The following GLDC variants were observed in gnomAD, a reference collection of about 807,000 sequenced individuals.
GLDC encodes the protein glycine dehydrogenase (decarboxylating), mitochondrial.
In GLDC, 104 loss-of-function variants were observed where a neutral mutation model predicts 121.3. The observed-to-expected ratio is 0.86, with a 90% CI of 0.73 to 1.01. GLDC has a LOEUF of 1.01. GLDC is among the 50% of genes least tolerant of loss of function. The pLI is 0.00. For synonymous variants in GLDC, 546 were observed against 480.6 expected, an observed-to-expected ratio of 1.14 and a Z score of -1.78; for missense variants, 1,429 against 1,306.6, an observed-to-expected ratio of 1.09 and a Z score of -1.44.
chr9:6,574,938 C>T (rs1183470276), intron 15 of GLDC, among the ~76,000 whole-genome samples: 1 of 152,104 alleles, frequency 6.6e-6, no homozygotes, highest in Admixed American at 6.5e-5. Flanking sequence ...CATATGATAG[C>T]CACATCCATC....
chr9:6,565,320 A>T (rs1478353913), intron 16 of GLDC, 34 bp downstream of exon 16: 7 of 1,490,878 alleles, frequency 4.7e-6, no homozygotes, highest in Non-Finnish European at 6.6e-6. Context: ...TCTGTGCCCC[A>T]TGGTGAGCAA....
intron 21 of GLDC, among the ~76,000 whole-genome samples, chr9:6,546,893 C>T (rs956358805): frequency 2.0e-5 from 3 of 151,810 alleles, no homozygotes; most frequent in Non-Finnish European, 2.9e-5. Flanking sequence ...ACCTGGGAGG[C>T]GGAGGTTGCA....
At chr9:6,583,400 C>T (rs1339749521) in intron 15 of GLDC, among the ~76,000 whole-genome samples, 4 of 152,228 alleles carry the variant, frequency 2.6e-5, no homozygotes, top group South Asian at 2.1e-4. Context: ...GTAGGCCAGG[C>T]GCAGGAGATC....
In GLDC at chr9:6,610,276, C is replaced by A. The variant is rs1263123723; in HGVS notation, c.551G>T (p.Cys184Phe). The A allele has an allele frequency of 6.2e-7, 1 of 1,613,910 alleles. No homozygotes were observed. Among genetic ancestry groups the A allele is most frequent in the Admixed American group, 1.7e-5 (1 of 60,006 alleles). ...GGCCATGTCCAGGCCTGTGATGTCA[C>A]ACACCATGGTCTGGTAGTTGAGTAA... Reference protein sequence around the residue: ...ESLLNYQTMVCDITGLDMANA... With the variant: ...ESLLNYQTMVFDITGLDMANA... Residue 184 changes from cysteine to phenylalanine, a missense_variant, in exon 4 of 25, where the codon TGT becomes TTT. Transcript: ENST00000321612.
At chr9:6,557,412 G>A (rs779026142) in intron 17 of GLDC, among the ~76,000 whole-genome samples, 3 of 152,048 alleles carry the variant, frequency 2.0e-5, no homozygotes, top group Non-Finnish European at 4.4e-5. Flanking sequence ...TGGCCAATAC[G>A]GGGAAACCCT....
intron 8 of GLDC, among the ~76,000 whole-genome samples, chr9:6,599,133 G>T (rs1000846825): frequency 6.7e-6 from 1 of 150,018 alleles, no homozygotes; most frequent in Non-Finnish European, 1.5e-5. Context: ...GCAGTGAGCC[G>T]ACATCACGCC....
intron 2 of GLDC, among the ~76,000 whole-genome samples, chr9:6,622,305 T>G (rs1425144176): frequency 1.3e-5 from 2 of 149,572 alleles, no homozygotes; most frequent in East Asian, 2.0e-4. Flanking sequence ...GAAGCTGGAC[T>G]GTGCTGCTGC....
At chr9:6,556,036 A>T (rs1294952260) in intron 18 of GLDC, 117 bp downstream of exon 18, 4 of 745,724 alleles carry the variant, frequency 5.4e-6, no homozygotes, top group African/African-American at 5.2e-5. Context: ...ACCAGTGGTC[A>T]GGTCGTGGGT....
At chr9:6,630,375 T>A (rs1819351581) in intron 2 of GLDC, among the ~76,000 whole-genome samples, 1 of 152,126 alleles carries the variant, frequency 6.6e-6, no homozygotes, top group Non-Finnish European at 1.5e-5. Flanking sequence ...CAGGCATCAG[T>A]AGGCCATCCA....
chr9:6,620,056 G>A (rs1819053109), intron 3 of GLDC, 128 bp downstream of exon 3: 8 of 893,106 alleles, frequency 9.0e-6, no homozygotes, highest in Non-Finnish European at 1.5e-5. Context: ...TAGGTTCCCG[G>A]ACATTGGAGA....
At chr9:6,570,692 A>G (rs1304579670) in intron 15 of GLDC, among the ~76,000 whole-genome samples, 1 of 152,076 alleles carries the variant, frequency 6.6e-6, no homozygotes, top group African/African-American at 2.4e-5. Context: ...CGTCTCTACT[A>G]AAAATACAAA....
At chr9:6,568,848 C>G (rs1166545962) in intron 15 of GLDC, 4 of 151,566 alleles carry the variant, frequency 2.6e-5, no homozygotes, top group African/African-American at 9.7e-5. Context: ...GACTCCACCT[C>G]AAGAAAAAAA....
At chr9:6,589,948 G>A (rs35406241) in intron 11 of GLDC, among the ~76,000 whole-genome samples, 31,391 of 151,726 alleles carry the variant, frequency 0.21, 3,709 homozygotes, top group Admixed American at 0.28. Flanking sequence ...GCAGCTACTC[G>A]GGAGGCTGAG....
intron 15 of GLDC, among the ~76,000 whole-genome samples, chr9:6,583,790 C>T (rs1432311192): frequency 1.3e-5 from 2 of 152,168 alleles, no homozygotes; most frequent in Non-Finnish European, 2.9e-5. Flanking sequence ...GTATGATCCA[C>T]TTATACGAGG....
chr9:6,645,353 G>A lies in GLDC; in HGVS notation c.147C>T (p.Ala49=), dbSNP rs994081399. ...SGGGDSAAAG[A]SRLLERLLPR... Reference sequence around the variant, plus strand: ...GCAGAAGGCGCTCCAGGAGGCGCGAGGCCCCAGCCGCGGCGCTGTCCCCGC... The same window carrying A: ...GCAGAAGGCGCTCCAGGAGGCGCGAAGCCCCAGCCGCGGCGCTGTCCCCGC... Residue 49 remains alanine (A), a synonymous_variant, in exon 1 of 25, where the codon GCC becomes GCT. Transcript: ENST00000321612. 2.0e-6 allele frequency: 3 copies of A among 1,532,332 alleles called. No individual in the cohort carries two copies. The Admixed American group carries it at 6.0e-5, about 31-fold the overall frequency. 94.9% of individuals were successfully genotyped at this position (1,532,332 alleles called of 1,614,324 possible).
At chr9:6,595,525 A>G (rs1457437204) in intron 8 of GLDC, among the ~76,000 whole-genome samples, 1 of 152,250 alleles carries the variant, frequency 6.6e-6, no homozygotes, top group African/African-American at 2.4e-5. Context: ...CAATTCTTCA[A>G]GAATAAAAAG....
chr9:6,562,652 T>C (rs548615704), intron 16 of GLDC, among the ~76,000 whole-genome samples: 6 of 152,316 alleles, frequency 3.9e-5, no homozygotes, highest in African/African-American at 1.4e-4. Context: ...CTCTGCCTCC[T>C]GGATTCAAGT....
At chr9:6,581,717 G>C (rs530760175) in intron 15 of GLDC, among the ~76,000 whole-genome samples, 2 of 152,268 alleles carry the variant, frequency 1.3e-5, no homozygotes, top group Admixed American at 1.3e-4. Context: ...TGGACTAAGA[G>C]TGGATAAAGG....
rs1461615694 is a variant in GLDC at position 6,610,238 on chromosome 9, G to A, written c.589C>T (p.Leu197=). The change falls in exon 4 of 25, where the codon CTG becomes TTG. Residue 197 remains leucine (L), a synonymous_variant. Transcript: ENST00000321612. ...TGLDMANASL[L]DEGTAAAEAL... Reference sequence around the variant, plus strand: ...TCTGCGGCTGCAGTCCCCTCATCCAGCAGGGATGCATTGGCCATGTCCAGG... The same window carrying A: ...TCTGCGGCTGCAGTCCCCTCATCCAACAGGGATGCATTGGCCATGTCCAGG... The A allele has an allele frequency of 3.7e-6, 6 of 1,613,836 alleles. No individual in the cohort carries two copies. The highest frequency in any genetic ancestry group is 5.1e-6 in the Non-Finnish European group (6 of 1,179,854).
Sources: allele counts gnomAD v4.1 joint callset (sites outside exome capture counted in the v4.1 genomes callset), GRCh38; gene constraint gnomAD v4.1.1; transcripts MANE v1.5; gene names NCBI Gene and HGNC (gene_info 2026-07-23, HGNC 2026-07-21).